Variants in C12orf56 observed in about 807,000 individuals in gnomAD.
C12orf56 encodes chromosome 12 open reading frame 56.
A neutral mutation model predicts 69.9 loss-of-function variants in C12orf56; 71 were observed. The ratio of observed to expected loss-of-function variants is 1.02; its 90% CI spans 0.84 to 1.24. The LOEUF (loss-of-function observed/expected upper bound fraction) is 1.24. Ranked by LOEUF, C12orf56 falls within the 50% of genes most tolerant of loss-of-function variation. The pLI is 0.00. For synonymous variants in C12orf56, 276 were observed against 274.1 expected (o/e 1.01, Z -0.07); for missense variants, 732 against 738.5 (o/e 0.99, Z 0.10).
chr12:64,340,001 G>A (rs2039053904), intron 2 of C12orf56, among the ~76,000 whole-genome samples: 1 of 141,238 alleles, frequency 7.1e-6, no homozygotes, highest in African/African-American at 2.6e-5. Flanking sequence ...TACAGAATGG[G>A]TAGAGAACTC....
chr12:64,358,199 C>G (rs2039345604), intron 1 of C12orf56, among the ~76,000 whole-genome samples: 1 of 151,766 alleles, frequency 6.6e-6, no homozygotes, highest in Non-Finnish European at 1.5e-5. Context: ...GTGGCTCATA[C>G]CTATAATCCC....
intron 2 of C12orf56, among the ~76,000 whole-genome samples, chr12:64,352,093 G>GTTTTTT (rs1212922484): frequency 2.7e-5 from 3 of 112,978 alleles, no homozygotes; most frequent in African/African-American, 9.6e-5. Flanking sequence ...TTTTGTTTTT[G>GTTTTTT]TTTTTGTTTT....
At position 64,376,355 on chromosome 12, in the gene C12orf56, G is replaced by C. The variant is rs543460831; in HGVS notation, c.252+13959C>G. On this transcript the variant is annotated intron_variant, in intron 1 of 12. Coordinates refer to ENST00000543942, the MANE Select transcript of C12orf56 (RefSeq NM_001170633.2). ...CCAAAGCATGGATTTTTAAGCTATAGGAATTAACAAACTTATTTCTTGTTG... is the reference window on the plus strand; with the variant it reads ...CCAAAGCATGGATTTTTAAGCTATACGAATTAACAAACTTATTTCTTGTTG... Among the ~76,000 whole-genome samples, 642 of 152,286 alleles carry C rather than the reference G, an allele frequency of 4.2e-3. 4 individuals are homozygous for C. Among genetic ancestry groups the C allele is most frequent in the Non-Finnish European group, 7.4e-3 (505 of 68,036 alleles).
intron 11 of C12orf56, among the ~76,000 whole-genome samples, chr12:64,273,536 C>G (rs2038016197): frequency 6.6e-6 from 1 of 152,198 alleles, no homozygotes; most frequent in African/African-American, 2.4e-5. Context: ...CCTCACGGCA[C>G]TGGCAGTCTG....
At chr12:64,313,274 A>AAAAAAAAAGAAAG (rs762664621) in intron 4 of C12orf56, among the ~76,000 whole-genome samples, 1 of 81,426 alleles carries the variant, frequency 1.2e-5, no homozygotes, top group Non-Finnish European at 2.3e-5. Flanking sequence ...AAAAAAAAAA[A>AAAAAAAAAGAAAG]AAAGAAAGAA....
intron 2 of C12orf56, chr12:64,338,683 CTCT>C (rs1345127056): frequency 6.4e-7 from 1 of 1,567,692 alleles, no homozygotes; most frequent in East Asian, 2.2e-5. Context: ...CTATGTTGAA[CTCT>C]TCTTCTGCCT....
chr12:64,279,520 C>T (rs2136756621), intron 8 of C12orf56, among the ~76,000 whole-genome samples: 1 of 152,298 alleles, frequency 6.6e-6, no homozygotes, highest in Non-Finnish European at 1.5e-5. Context: ...TAACCATAAG[C>T]ATTCCTTTCA....
intron 1 of C12orf56, among the ~76,000 whole-genome samples, chr12:64,381,468 G>A (rs1418426657): frequency 6.6e-6 from 1 of 152,138 alleles, no homozygotes; most frequent in East Asian, 1.9e-4. Context: ...TAGTTCTTAG[G>A]CAAGAAGCAT....
chr12:64,286,901 G>A (rs1466502017), intron 6 of C12orf56, among the ~76,000 whole-genome samples: 1 of 152,142 alleles, frequency 6.6e-6, no homozygotes. Context: ...AGAGAAGCAG[G>A]ATGTTTACCG....
chr12:64,353,437 A>T (rs1323024321), intron 1 of C12orf56, among the ~76,000 whole-genome samples: 1 of 151,574 alleles, frequency 6.6e-6, no homozygotes, highest in Admixed American at 6.6e-5. Context: ...GATTACAGGC[A>T]TAAGCCACCG....
intron 6 of C12orf56, among the ~76,000 whole-genome samples, chr12:64,292,992 G>A (rs1263751694): frequency 6.6e-6 from 1 of 151,024 alleles, no homozygotes; most frequent in Non-Finnish European, 1.5e-5. Flanking sequence ...TGCTGTGCTA[G>A]CAATCAGCGA....
intron 1 of C12orf56, among the ~76,000 whole-genome samples, chr12:64,380,993 C>T (rs1435390230): frequency 6.6e-6 from 1 of 152,078 alleles, no homozygotes; most frequent in Non-Finnish European, 1.5e-5. Context: ...TAGACAAGGC[C>T]AATTTATCAA....
At chr12:64,386,536 A>C (rs1207405208) in intron 1 of C12orf56, among the ~76,000 whole-genome samples, 5 of 152,062 alleles carry the variant, frequency 3.3e-5, no homozygotes, top group African/African-American at 1.2e-4. Context: ...AGCTGGCGTT[A>C]TAGGCATGTG....
chr12:64,305,233 A>G (rs1482519896), intron 5 of C12orf56, among the ~76,000 whole-genome samples: 1 of 151,716 alleles, frequency 6.6e-6, no homozygotes, highest in African/African-American at 2.4e-5. Context: ...GATTATGAAA[A>G]TGAAGACTGA....
At chr12:64,386,856 A>G (rs1410015142) in intron 1 of C12orf56, among the ~76,000 whole-genome samples, 1 of 151,294 alleles carries the variant, frequency 6.6e-6, no homozygotes, top group Non-Finnish European at 1.5e-5. Context: ...AAAGTGTAAG[A>G]GGCCAGGTGG....
At chr12:64,344,798 C>T (rs959610666) in intron 2 of C12orf56, among the ~76,000 whole-genome samples, 11 of 152,118 alleles carry the variant, frequency 7.2e-5, no homozygotes, top group African/African-American at 2.7e-4. Flanking sequence ...TCCACTCCAC[C>T]ATCCCAAACT....
At chr12:64,279,113 T>A (rs1337686129) in intron 8 of C12orf56, among the ~76,000 whole-genome samples, 1 of 152,170 alleles carries the variant, frequency 6.6e-6, no homozygotes, top group Non-Finnish European at 1.5e-5. Flanking sequence ...AAAGATGGGG[T>A]CTTGCTTTGT....
chr12:64,376,306 T>C (rs1281418940), intron 1 of C12orf56, among the ~76,000 whole-genome samples: 1 of 152,126 alleles, frequency 6.6e-6, no homozygotes, highest in African/African-American at 2.4e-5. Flanking sequence ...ATGCAGAAAA[T>C]GCTTTCCAAG....
At position 64,275,237 on chromosome 12, in the gene C12orf56, A is replaced by G; in HGVS notation, c.1509+61T>C. 5.3e-6 allele frequency: 4 copies of G among 749,250 alleles called. 1 individual carries two copies. In the South Asian group the frequency reaches 7.9e-5, roughly 15 times the overall value. The allele number at this position is 749,250 out of a possible 1,614,324, so 46.4% of individuals were successfully genotyped here. ...ATAATATACATATATCATAATATATAATAGTCATGTAATTTATAGTTACAT... is the reference window on the plus strand; with the variant it reads ...ATAATATACATATATCATAATATATGATAGTCATGTAATTTATAGTTACAT... On this transcript the variant is annotated intron_variant, in intron 10 of 12. Coordinates refer to ENST00000543942, the MANE Select transcript of C12orf56 (RefSeq NM_001170633.2).
Sources: allele counts gnomAD v4.1 joint callset (sites outside exome capture counted in the v4.1 genomes callset), GRCh38; gene constraint gnomAD v4.1.1; transcripts MANE v1.5; gene names NCBI Gene and HGNC (gene_info 2026-07-23, HGNC 2026-07-21).